The following MCPH1 variants were observed in gnomAD, a reference collection of about 807,000 sequenced individuals.
MCPH1 encodes the protein microcephalin 1, also known as microcephalin.
A neutral mutation model predicts 84.5 loss-of-function variants in MCPH1; 104 were observed. That is an observed-to-expected ratio of 1.23 (90% confidence interval 1.05 to 1.45). The LOEUF is 1.45. MCPH1 is among the 40% of genes most tolerant of loss of function. The probability of loss-of-function intolerance (pLI) is 0.00; values close to 1 mark genes in which losing one functional copy is unlikely to be tolerated. For synonymous variants in MCPH1, 514 were observed against 366.8 expected (o/e 1.40, Z -4.58); for missense variants, 1,498 against 1,005.7 (o/e 1.49, Z -6.62).
intron 13 of MCPH1, chr8:6,624,808 T>A: frequency 1.0e-6 from 1 of 985,354 alleles, no homozygotes; most frequent in Non-Finnish European, 1.2e-6. Flanking sequence ...GTCCAGGGCA[T>A]TGCGTTTCCT....
chr8:6,448,234 G>A (rs191863550), intron 8 of MCPH1, among the ~76,000 whole-genome samples: 7 of 152,348 alleles, frequency 4.6e-5, no homozygotes, highest in South Asian at 2.1e-4. Flanking sequence ...GGTGACATCC[G>A]ATCACAGGCC....
intron 12 of MCPH1, among the ~76,000 whole-genome samples, chr8:6,538,762 C>G (rs879675065): frequency 2.0e-5 from 3 of 152,194 alleles, no homozygotes; most frequent in Non-Finnish European, 4.4e-5. Context: ...AATGTTCTTG[C>G]TTGCTTGGTG....
At chr8:6,636,335 CAA>C (rs56881618) in intron 13 of MCPH1, among the ~76,000 whole-genome samples, 19 of 103,000 alleles carry the variant, frequency 1.8e-4, no homozygotes, top group Admixed American at 2.9e-4. Flanking sequence ...GAGACTGTCT[CAA>C]AAAAAAAAAA....
intron 3 of MCPH1, among the ~76,000 whole-genome samples, chr8:6,418,225 T>C (rs970289167): frequency 2.8e-4 from 42 of 152,074 alleles, no homozygotes; most frequent in Admixed American, 2.0e-4. Flanking sequence ...GAGCTTCTGC[T>C]TGAGTGCTTG....
chr8:6,585,577 G>T (rs544243934), intron 12 of MCPH1, among the ~76,000 whole-genome samples: 115 of 152,372 alleles, frequency 7.5e-4, no homozygotes, highest in African/African-American at 2.6e-3. Context: ...AAAAGGGAGA[G>T]AATACTGTAT....
chr8:6,446,010 A>G (rs1056102315), intron 8 of MCPH1: 62 of 979,332 alleles, frequency 6.3e-5, no homozygotes, highest in Non-Finnish European at 6.3e-5. Flanking sequence ...GTGAAAAACT[A>G]CTTTTAGAAA....
chr8:6,439,473 C>T (rs1563209460), intron 6 of MCPH1, among the ~76,000 whole-genome samples: 1 of 151,438 alleles, frequency 6.6e-6, no homozygotes, highest in Non-Finnish European at 1.5e-5. Flanking sequence ...TCACTGCAAC[C>T]TCCCTAGTTC....
intron 12 of MCPH1, chr8:6,513,818 A>G (rs748165683): frequency 3.0e-5 from 48 of 1,613,430 alleles, no homozygotes; most frequent in African/African-American, 8.0e-5. Context: ...TTCCCAGCCA[A>G]TATTCTCCTG....
rs747607937 is a variant in MCPH1, at chr8:6,621,562, C to A, written c.2323C>A (p.Leu775Ile). The A allele has an allele frequency of 1.2e-6, 2 of 1,614,234 alleles. No homozygotes were observed. Among genetic ancestry groups the A allele is most frequent in the Non-Finnish European group, 1.7e-6 (2 of 1,180,046 alleles). The change falls in exon 13 of 14, where the codon CTC (leucine) becomes ATC (isoleucine). Residue 775 changes from leucine to isoleucine, a missense_variant. By Grantham distance (5) the Leu-to-Ile change is conservative (BLOSUM62 2). Coordinates refer to ENST00000344683, the MANE Select transcript of MCPH1 (RefSeq NM_024596.5). ...SPASSPPVAK[L>I]CELVHLCGGR... ...TGCCAGCAGCCCCCCAGTGGCCAAG[C>A]TCTGTGAACTAGTCCACCTGTGCGG...
intron 12 of MCPH1, among the ~76,000 whole-genome samples, chr8:6,553,402 C>A (rs1475804267): frequency 6.6e-6 from 1 of 152,212 alleles, no homozygotes; most frequent in Non-Finnish European, 1.5e-5. Flanking sequence ...CTGATGGTTA[C>A]ATAGTTAAAA....
rs55804146 is a variant in MCPH1 at position 6,562,552 on chromosome 8, CTTTTTT to C, written c.2215-58888_2215-58883del. 4.0e-3 allele frequency: 295 copies of C among 73,780 alleles called. 18 individuals are homozygous for C. The Middle Eastern group carries it at 0.14, about 35-fold the overall frequency. The allele number at this position is 73,780 out of a possible 1,614,324, so 4.6% of individuals were successfully genotyped here. The stretch of plus-strand genomic sequence containing the variant: ...AGCTCTAATCCTCTTCATCCTCCTT[CTTTTTT>C]TTTTTTTTTTTTTGGTTGTTAAAAC... On this transcript the variant is annotated intron_variant, in intron 12 of 13. Transcript: ENST00000344683.
intron 12 of MCPH1, among the ~76,000 whole-genome samples, chr8:6,540,763 A>C (rs1053228033): frequency 6.6e-6 from 1 of 152,276 alleles, no homozygotes. Context: ...GCAGGCATGC[A>C]GGAAGTTTAT....
At chr8:6,565,894 A>G (rs570748114) in intron 12 of MCPH1, among the ~76,000 whole-genome samples, 2 of 152,212 alleles carry the variant, frequency 1.3e-5, no homozygotes, top group East Asian at 3.9e-4. Flanking sequence ...AGTTCCGAAC[A>G]TGGAAGGAAC....
chr8:6,642,327 G>A (rs1797987678), intron 13 of MCPH1, among the ~76,000 whole-genome samples: 1 of 152,096 alleles, frequency 6.6e-6, no homozygotes, highest in South Asian at 2.1e-4. Context: ...AAGAGGGAGG[G>A]GTTGTTTCCG....
intron 12 of MCPH1, among the ~76,000 whole-genome samples, chr8:6,584,229 C>G (rs1334010515): frequency 1.3e-5 from 2 of 152,114 alleles, no homozygotes; most frequent in African/African-American, 4.8e-5. Context: ...TTTAGCAGCT[C>G]AGGGAGGAAG....
chr8:6,562,925 T>A (rs1225570468), intron 12 of MCPH1: 1 of 1,585,108 alleles, frequency 6.3e-7, no homozygotes, highest in Non-Finnish European at 8.6e-7. Flanking sequence ...AAGAAAACAA[T>A]CTGCCACATT....
chr8:6,408,503 T>G (rs2129550615), intron 1 of MCPH1, among the ~76,000 whole-genome samples: 1 of 152,044 alleles, frequency 6.6e-6, no homozygotes, highest in African/African-American at 2.4e-5. Context: ...ATTACAGGCA[T>G]GAGCTACTTT....
At chr8:6,615,052 A>C (rs1343896911) in intron 12 of MCPH1, among the ~76,000 whole-genome samples, 1 of 152,210 alleles carries the variant, frequency 6.6e-6, no homozygotes, top group Middle Eastern at 3.2e-3. Flanking sequence ...CGTAAGCACG[A>C]ACGGTCTGGT....
At chr8:6,422,774 C>T (rs958486429) in intron 3 of MCPH1, among the ~76,000 whole-genome samples, 36 of 152,228 alleles carry the variant, frequency 2.4e-4, no homozygotes, top group African/African-American at 7.5e-4. Flanking sequence ...CTGCAACCTC[C>T]GCCTCCTGGG....
Sources: gnomAD v4.1 joint callset for allele counts (sites outside exome capture counted in the v4.1 genomes callset) on GRCh38, gnomAD v4.1.1 for gene constraint, MANE v1.5 for transcripts, NCBI Gene and HGNC (gene_info 2026-07-23, HGNC 2026-07-21) for gene names.